The following DRC9 variants were observed in gnomAD, a reference collection of about 807,000 sequenced individuals.
DRC9 encodes dynein regulatory complex protein 9.
the DRC9 span, chr3:197,916,105 T>C: frequency 6.6e-6 from 1 of 152,148 alleles, no homozygotes; most frequent in Non-Finnish European, 1.5e-5. Context: ...CCCAAGTAGC[T>C]AGTACTACAG....
the DRC9 span, chr3:197,950,478 G>A: frequency 1.9e-5 from 8 of 427,192 alleles, no homozygotes; most frequent in South Asian, 5.5e-4. Context: ...TTTTGTTCGT[G>A]TGCAGTTGTC....
chr3:197,889,293 C>T, the DRC9 span: 2 of 398,164 alleles, frequency 5.0e-6, no homozygotes, highest in South Asian at 8.4e-5. Flanking sequence ...CTTTGTTCTG[C>T]TGAGAAAGAG....
At chr3:197,922,553 T>C in the DRC9 span, among the ~76,000 whole-genome samples, 1 of 151,690 alleles carries the variant, frequency 6.6e-6, no homozygotes, top group Admixed American at 6.6e-5. Flanking sequence ...TAAAAACACA[T>C]AAATTAGCCA....
chr3:197,953,933 T>G, the DRC9 span: 1 of 1,548,374 alleles, frequency 6.5e-7, no homozygotes, highest in Non-Finnish European at 8.9e-7. Context: ...GCCACTCGTG[T>G]AGAGGTCACC....
the DRC9 span, chr3:197,913,241 G>A: frequency 5.4e-6 from 1 of 184,152 alleles, no homozygotes; most frequent in Non-Finnish European, 1.1e-5. Flanking sequence ...GTCTGAAGTT[G>A]CCCAGGCTGG....
chr3:197,909,597 A>G, the DRC9 span, among the ~76,000 whole-genome samples: 1 of 152,246 alleles, frequency 6.6e-6, no homozygotes, highest in African/African-American at 2.4e-5. Flanking sequence ...ATATTCTATC[A>G]ATCAGCTGTA....
chr3:197,889,454 C>A, the DRC9 span: 1 of 1,099,784 alleles, frequency 9.1e-7, no homozygotes, highest in Non-Finnish European at 1.3e-6. Flanking sequence ...ATCAGGCTTC[C>A]CTGGGAAAGT....
chr3:197,944,640 T>G, the DRC9 span, among the ~76,000 whole-genome samples: 8 of 151,978 alleles, frequency 5.3e-5, no homozygotes, highest in Admixed American at 2.6e-4. Context: ...AGTAGAGACG[T>G]GGTTTCACCG....
chr3:197,954,147 G>A, the DRC9 span: 1 of 1,614,146 alleles, frequency 6.2e-7, no homozygotes. Flanking sequence ...GAATCCGAGT[G>A]GTGAGTATGG....
the DRC9 span, among the ~76,000 whole-genome samples, chr3:197,929,871 C>G: frequency 6.6e-6 from 1 of 151,954 alleles, no homozygotes; most frequent in African/African-American, 2.4e-5. This position sits in a 1 kb window ranked among gnomAD's most constrained non-coding sequence, Gnocchi z 4.6. Flanking sequence ...TTTGGGAGGC[C>G]GAGGCAGGCG....
the DRC9 span, among the ~76,000 whole-genome samples, chr3:197,925,000 C>T: frequency 2.0e-5 from 3 of 152,268 alleles, no homozygotes; most frequent in South Asian, 2.1e-4. Context: ...CACAAAAGCT[C>T]GCAAATCCAC....
chr3:197,932,701 GC>G, the DRC9 span, among the ~76,000 whole-genome samples: 1 of 148,584 alleles, frequency 6.7e-6, no homozygotes, highest in African/African-American at 2.5e-5. Context: ...AGTGGCATGT[GC>G]CCTAATTCCA....
chr3:197,917,866 G>T, the DRC9 span, among the ~76,000 whole-genome samples: 2 of 151,416 alleles, frequency 1.3e-5, no homozygotes, highest in Non-Finnish European at 2.9e-5. Context: ...AAGTAGCTGG[G>T]ATTACAGGCA....
chr3:197,919,111 G>GT, the DRC9 span, among the ~76,000 whole-genome samples: 2 of 152,254 alleles, frequency 1.3e-5, no homozygotes, highest in Non-Finnish European at 2.9e-5. Context: ...CCCGGCCAAT[G>GT]TAAGTGTTTA....
At chr3:197,931,185 C>A in the DRC9 span, among the ~76,000 whole-genome samples, 1 of 151,532 alleles carries the variant, frequency 6.6e-6, no homozygotes, top group African/African-American at 2.4e-5. Context: ...GGATCAACAT[C>A]CAAAGAGAGT....
chr3:197,950,466 GT>G, the DRC9 span: 1 of 494,894 alleles, frequency 2.0e-6, no homozygotes, highest in South Asian at 7.5e-5. Flanking sequence ...GTGAAACGAT[GT>G]TTTTGTTCGT....
the DRC9 span, chr3:197,945,699 AG>A: frequency 4.0e-6 from 4 of 1,009,744 alleles, no homozygotes; most frequent in Non-Finnish European, 6.0e-6. Context: ...AAAATGGGAA[AG>A]AAACACTGAG....
chr3:197,925,813 A>C, the DRC9 span, among the ~76,000 whole-genome samples: 4 of 151,428 alleles, frequency 2.6e-5, no homozygotes, highest in Non-Finnish European at 5.9e-5. Context: ...CAAATTCCTG[A>C]CTTCAGGAGA....
At chr3:197,951,487 G>T in the DRC9 span, 5 of 666,626 alleles carry the variant, frequency 7.5e-6, no homozygotes, top group Middle Eastern at 5.6e-4. Flanking sequence ...CGAGTAGCTG[G>T]GATTACAGGC....
Sources: gnomAD v4.1 joint callset for allele counts (sites outside exome capture counted in the v4.1 genomes callset) on GRCh38, gnomAD v4.1.1 for gene constraint, Gnocchi (gnomAD v3.1) non-coding constraint, MANE v1.5 for transcripts, NCBI Gene and HGNC (gene_info 2026-07-23, HGNC 2026-07-21) for gene names.